ADGRE3: variants seen among roughly 807,000 people sequenced by gnomAD.
The protein encoded by ADGRE3 is adhesion G protein-coupled receptor E3.
Under a neutral mutation model 80.1 loss-of-function variants are expected in ADGRE3, and 88 were observed. That is an observed-to-expected ratio of 1.10 (90% confidence interval 0.93 to 1.31). The LOEUF (loss-of-function observed/expected upper bound fraction) is 1.31. ADGRE3 is among the 40% of genes most tolerant of loss of function. The probability of loss-of-function intolerance (pLI) is 0.00; values close to 1 mark genes in which losing one functional copy is unlikely to be tolerated. For missense variants in ADGRE3, 715 were observed against 776.5 expected (o/e 0.92, Z 0.94); for synonymous variants, 281 against 294.8 (o/e 0.95, Z 0.48).
At chr19:14,626,179 G>C (rs1224511288) in intron 14 of ADGRE3, among the ~76,000 whole-genome samples, 1 of 152,114 alleles carries the variant, frequency 6.6e-6, no homozygotes, top group Non-Finnish European at 1.5e-5. Context: ...GCTCACACCT[G>C]TAATCCCACC....
chr19:14,634,262 G>A (rs1361555193), intron 11 of ADGRE3, among the ~76,000 whole-genome samples: 1 of 152,038 alleles, frequency 6.6e-6, no homozygotes, highest in African/African-American at 2.4e-5. Flanking sequence ...AAATTAAAAT[G>A]GATGCTGCAA....
At chr19:14,602,449 T>G in the ADGRE3 span, among the ~76,000 whole-genome samples, 1 of 152,152 alleles carries the variant, frequency 6.6e-6, no homozygotes, top group Admixed American at 6.6e-5. Context: ...TGTGCCACCA[T>G]GCCTGGATAA....
chr19:14,634,787 G>C (rs1053676956), intron 11 of ADGRE3, among the ~76,000 whole-genome samples: 1 of 152,156 alleles, frequency 6.6e-6, no homozygotes, highest in African/African-American at 2.4e-5. Context: ...TGGATCCTAA[G>C]GTTAAGGAAA....
At chr19:14,668,943 T>A in intron 1 of ADGRE3, 91 bp from the exon 2 acceptor site, 1 of 1,255,214 alleles carries the variant, frequency 8.0e-7, no homozygotes, top group South Asian at 1.2e-5. Context: ...CAGTTATCTA[T>A]CACTGTGTAA....
the ADGRE3 span, among the ~76,000 whole-genome samples, chr19:14,612,258 C>T: frequency 4.6e-5 from 7 of 152,140 alleles, no homozygotes; most frequent in Non-Finnish European, 7.3e-5. Context: ...GGCCTCCTGT[C>T]TTGGCTTGTA....
rs71166783 is a variant in ADGRE3 at position 14,665,936 on chromosome 19, G to GTATATATATGTA, written c.77-2397_77-2396insTACATATATATA. ...ATATATTGCATATACACACATATGT[G>GTATATATATGTA]TATATATATATATATATATATATAT... On this transcript the variant is annotated intron_variant, in intron 2 of 15. Transcript: ENST00000253673. Among the ~76,000 whole-genome samples the GTATATATATGTA allele has an allele frequency of 1.9e-3, 78 of 42,100 alleles. 1 individual carries two copies. The highest frequency in any genetic ancestry group is 8.6e-3 in the African/African-American group (75 of 8,722). The allele number at this position is 42,100 out of a possible 152,430, so 27.6% of individuals were successfully genotyped here.
chr19:14,630,341 C>CA, intron 13 of ADGRE3, 134 bp from the exon 14 acceptor site: 1 of 554,928 alleles, frequency 1.8e-6, no homozygotes, highest in Non-Finnish European at 2.8e-6. Flanking sequence ...CACTGGCTAC[C>CA]TGTGTGATCT....
downstream of ADGRE3, among the ~76,000 whole-genome samples, chr19:14,617,341 C>CCTCTCTTTCTTT: frequency 7.0e-5 from 4 of 57,170 alleles, no homozygotes; most frequent in Admixed American, 2.0e-4. Context: ...TCCCTCCCTC[C>CCTCTCTTTCTTT]CTTTCTTTCT....
chr19:14,613,292 G>A, the ADGRE3 span, among the ~76,000 whole-genome samples: 3 of 152,050 alleles, frequency 2.0e-5, no homozygotes, highest in Non-Finnish European at 4.4e-5. Flanking sequence ...TGTAATCATA[G>A]CTCACTGAAG....
chr19:14,602,340 A>G, the ADGRE3 span, among the ~76,000 whole-genome samples: 3 of 152,104 alleles, frequency 2.0e-5, no homozygotes, highest in African/African-American at 7.2e-5. Flanking sequence ...CCCAGGCTGG[A>G]GTGCAGTGGC....
chr19:14,652,873 T>C (rs1217597919), intron 6 of ADGRE3, among the ~76,000 whole-genome samples: 1 of 152,096 alleles, frequency 6.6e-6, no homozygotes, highest in Non-Finnish European at 1.5e-5. Context: ...TTTTGAAAAG[T>C]TTACAAGTAT....
At chr19:14,643,697 C>A (rs578146627) in intron 9 of ADGRE3, among the ~76,000 whole-genome samples, 6 of 151,860 alleles carry the variant, frequency 4.0e-5, no homozygotes, top group Non-Finnish European at 7.4e-5. Context: ...TCTTACCTTG[C>A]GTCTTTTCCA....
chr19:14,662,834 AG>A (rs1971986366), intron 3 of ADGRE3, among the ~76,000 whole-genome samples: 1 of 138,304 alleles, frequency 7.2e-6, no homozygotes, highest in Non-Finnish European at 1.5e-5. Context: ...TGGGAGGCCG[AG>A]GCGGGAGGAT....
intron 6 of ADGRE3, among the ~76,000 whole-genome samples, chr19:14,654,467 G>A (rs1241170746): frequency 6.6e-6 from 1 of 151,640 alleles, no homozygotes; most frequent in Non-Finnish European, 1.5e-5. Context: ...GTCTTGCTAT[G>A]TTGCCCAGGC....
chr19:14,632,720 T>A (rs1402321582), intron 13 of ADGRE3, among the ~76,000 whole-genome samples: 1 of 151,904 alleles, frequency 6.6e-6, no homozygotes, highest in African/African-American at 2.4e-5. Flanking sequence ...TTTATTCTTT[T>A]TTTTTTTTGA....
chr19:14,607,614 C>T, the ADGRE3 span, among the ~76,000 whole-genome samples: 4 of 151,854 alleles, frequency 2.6e-5, no homozygotes, highest in Non-Finnish European at 4.4e-5. Flanking sequence ...GTCTCGCTGT[C>T]GCTCAGGCTG....
chr19:14,657,261 T>C (rs1260808077), intron 5 of ADGRE3, among the ~76,000 whole-genome samples: 1 of 152,140 alleles, frequency 6.6e-6, no homozygotes, highest in Non-Finnish European at 1.5e-5. Context: ...GGGGTTGGTC[T>C]TATTCCCTTC....
intron 10 of ADGRE3, among the ~76,000 whole-genome samples, chr19:14,641,163 G>A (rs2146840048): frequency 6.6e-6 from 1 of 152,232 alleles, no homozygotes; most frequent in East Asian, 1.9e-4. Context: ...ACCTCTTTGA[G>A]AATGCCTCGT....
At chr19:14,673,115 T>A (rs966566727) in intron 1 of ADGRE3, among the ~76,000 whole-genome samples, 1 of 152,208 alleles carries the variant, frequency 6.6e-6, no homozygotes, top group Admixed American at 6.5e-5. Flanking sequence ...ATATATAAGA[T>A]GCTATGCTAG....
Sources: allele counts gnomAD v4.1 joint callset (sites outside exome capture counted in the v4.1 genomes callset), GRCh38; gene constraint gnomAD v4.1.1; transcripts MANE v1.5; gene names NCBI Gene and HGNC (gene_info 2026-07-23, HGNC 2026-07-21).